ZDHHC19: variants seen among roughly 807,000 people sequenced by gnomAD.
ZDHHC19 encodes zDHHC palmitoyltransferase 19.
A neutral mutation model predicts 33.9 loss-of-function variants in ZDHHC19; 30 were observed. The ratio of observed to expected loss-of-function variants is 0.88; its 90% CI spans 0.66 to 1.20. The LOEUF is 1.20. Among genes scored for constraint, ZDHHC19 ranks in the 50% most tolerant of loss-of-function variants. The pLI is 0.00. For missense variants in ZDHHC19, 364 were observed against 401.1 expected (o/e 0.91, Z 0.79); for synonymous variants, 178 against 167.6 (o/e 1.06, Z -0.48).
rs538030779 is a variant in ZDHHC19, at chr3:196,202,921, C to T, written c.688-4047G>A. Among the ~76,000 whole-genome samples, 241 of 152,192 alleles carry T rather than the reference C, an allele frequency of 1.6e-3. 3 individuals carry two copies. Among genetic ancestry groups the T allele is most frequent in the African/African-American group, 5.7e-3 (235 of 41,526 alleles). On this transcript the variant is annotated intron_variant, in intron 5 of 7. Transcript: ENST00000296326. Reference sequence around the variant, plus strand: ...CTGGCGATGTTAAGGGAGGGTTTTGCTTTGCTTTTAAGATGAGAGAGACAG... The same window carrying T: ...CTGGCGATGTTAAGGGAGGGTTTTGTTTTGCTTTTAAGATGAGAGAGACAG...
In ZDHHC19 at chr3:196,203,871, G is replaced by C. The variant is rs1280072672; in HGVS notation, c.687+3527C>G. 6.6e-6 allele frequency among the ~76,000 whole-genome samples: 1 copy of C among 152,178 alleles called. No individual in the cohort carries two copies. The highest frequency in any genetic ancestry group is 1.5e-5 in the Non-Finnish European group (1 of 68,030). On this transcript the variant is annotated intron_variant, in intron 5 of 7. Transcript: ENST00000296326. This position sits in a 1 kb window ranked among gnomAD's most constrained non-coding sequence, Gnocchi z 4.3. The stretch of plus-strand genomic sequence containing the variant: ...GGTGGAGTGATTGAAGGGTGACTGG[G>C]ATGGGAGGTGGTGGGCAGAGAGGGC...
intron 5 of ZDHHC19, among the ~76,000 whole-genome samples, chr3:196,201,643 C>T (rs1160283356): frequency 1.3e-5 from 2 of 151,984 alleles, no homozygotes; most frequent in Admixed American, 6.6e-5. Context: ...ATCGCTTGAA[C>T]CTAGGAGGTG....
At chr3:196,210,253 A>AG (rs764748905) in intron 2 of ZDHHC19, among the ~76,000 whole-genome samples, 38 of 113,192 alleles carry the variant, frequency 3.4e-4, no homozygotes, top group Middle Eastern at 4.1e-3. Flanking sequence ...AAGAAAGAAA[A>AG]AGAAAGAAAG....
At position 196,207,507 on chromosome 3, in the gene ZDHHC19, C is replaced by T. The variant is rs372760698; in HGVS notation, c.582-4G>A. ...GGCGGACACGGCCACCACGATGCTG[C>T]GCGGGTTAAGGAACCGGGCTGCGGG... On this transcript the variant is annotated splice_region_variant and splice_polypyrimidine_tract_variant and intron_variant, in intron 4 of 7. Coordinates refer to ENST00000296326, the MANE Select transcript of ZDHHC19 (RefSeq NM_001039617.2). 2.6e-6 allele frequency: 4 copies of T among 1,552,480 alleles called. No individual in the cohort carries two copies. In the African/African-American group the frequency reaches 4.1e-5, roughly 16 times the overall value.
intron 6 of ZDHHC19, 28 bp from the exon 7 acceptor site, chr3:196,198,479 G>T (rs1721980293): frequency 1.3e-6 from 2 of 1,594,914 alleles, no homozygotes; most frequent in Non-Finnish European, 1.7e-6. Context: ...AGATGCAGGG[G>T]CCACCGTCCT....
At chr3:196,207,532 G>T in intron 4 of ZDHHC19, 29 bp from the exon 5 acceptor site, 2 of 1,517,028 alleles carry the variant, frequency 1.3e-6, no homozygotes, top group Non-Finnish European at 1.8e-6. Flanking sequence ...CGGGCTGCGG[G>T]ACCCCCACGC....
intron 5 of ZDHHC19, among the ~76,000 whole-genome samples, chr3:196,204,012 C>A (rs1048783236): frequency 2.0e-5 from 3 of 152,130 alleles, no homozygotes; most frequent in Admixed American, 6.6e-5. Context: ...CGGATGTCCA[C>A]CCTCACCACT....
chr3:196,205,364 C>T (rs1475489443), intron 5 of ZDHHC19, among the ~76,000 whole-genome samples: 5 of 152,034 alleles, frequency 3.3e-5, no homozygotes, highest in East Asian at 3.8e-4. Flanking sequence ...GAATGAATCT[C>T]GAATGTATTG....
Position 196,207,478 on chromosome 3 carries a change from C to A in ZDHHC19, c.607G>T (p.Gly203Cys), listed in dbSNP as rs749082215. 1.9e-6 allele frequency: 3 copies of A among 1,567,780 alleles called. No individual in the cohort carries two copies. In the South Asian group the frequency reaches 3.5e-5, roughly 18 times the overall value. ...IAIVVAVSAA[G>C]LLVPLSLLLL... ...AGGAGGGACAGCGGCACCAGGAGGC[C>A]CGCGGCGGACACGGCCACCACGATG... The change falls in exon 5 of 8, where the codon GGC becomes TGC. Residue 203 changes from glycine (G) to cysteine (C), a missense_variant. Physicochemically the swap from Gly to Cys is radical, Grantham distance 159. Transcript: ENST00000296326.
At chr3:196,208,266 C>G in intron 4 of ZDHHC19, 122 bp downstream of exon 4, 2 of 529,816 alleles carry the variant, frequency 3.8e-6, no homozygotes, top group Admixed American at 4.4e-5. Flanking sequence ...CACCTCACCT[C>G]GTCCCAGACT....
chr3:196,210,846 A>C, intron 1 of ZDHHC19, 109 bp from the exon 2 acceptor site: 1 of 1,460,500 alleles, frequency 6.8e-7, no homozygotes, highest in Non-Finnish European at 9.1e-7. Context: ...CCAGATCTAA[A>C]AATCCAGGCT....
At chr3:196,205,795 G>T (rs546651249) in intron 5 of ZDHHC19, among the ~76,000 whole-genome samples, 5 of 152,246 alleles carry the variant, frequency 3.3e-5, no homozygotes, top group Admixed American at 2.6e-4. Flanking sequence ...AAATAGCTGG[G>T]ATTACAGGCA....
chr3:196,209,553 T>C, intron 2 of ZDHHC19, 38 bp from the exon 3 acceptor site: 1 of 1,602,786 alleles, frequency 6.2e-7, no homozygotes. Flanking sequence ...CAGAAGGCCC[T>C]GCGGTCACCC....
chr3:196,204,273 A>G (rs1403700505), intron 5 of ZDHHC19, among the ~76,000 whole-genome samples: 2 of 152,258 alleles, frequency 1.3e-5, no homozygotes, highest in East Asian at 3.8e-4. Flanking sequence ...AATTTTAAAA[A>G]ACATGCTTAC....
rs547615199 is a variant in ZDHHC19, at chr3:196,200,440, C to T, written c.688-1566G>A. Among the ~76,000 whole-genome samples the T allele has an allele frequency of 8.7e-5, 13 of 148,574 alleles. No individual in the cohort carries two copies. In the South Asian group the frequency reaches 1.1e-3, roughly 12 times the overall value. ...CGCGATCTCAGCTCACTGCAAGCTCCGCCTCCCAGGTTCACGCCATTCTCC... is the reference window on the plus strand; with the variant it reads ...CGCGATCTCAGCTCACTGCAAGCTCTGCCTCCCAGGTTCACGCCATTCTCC... On this transcript the variant is annotated intron_variant, in intron 5 of 7. Coordinates refer to ENST00000296326, the MANE Select transcript of ZDHHC19 (RefSeq NM_001039617.2).
chr3:196,207,627 G>T (rs1577327729), intron 4 of ZDHHC19, 124 bp from the exon 5 acceptor site: 1 of 64,034 alleles, frequency 1.6e-5, no homozygotes, highest in Non-Finnish European at 2.3e-5. Flanking sequence ...TCCGCCCCGA[G>T]CCCCGCCCCG....
chr3:196,207,054 C>G (rs1260236229), intron 5 of ZDHHC19, among the ~76,000 whole-genome samples: 1 of 152,204 alleles, frequency 6.6e-6, no homozygotes, highest in Non-Finnish European at 1.5e-5. Context: ...CGCCACACAG[C>G]TCAGGACCGG....
intron 5 of ZDHHC19, among the ~76,000 whole-genome samples, chr3:196,200,554 C>T (rs894581453): frequency 2.7e-5 from 4 of 149,294 alleles, no homozygotes; most frequent in Admixed American, 6.6e-5. Context: ...CGGGGTTTCA[C>T]CGTGTTAGCC....
rs1299188871 is a variant in ZDHHC19 at position 196,209,398 on chromosome 3, G to A, written c.386C>T (p.Pro129Leu). The change falls in exon 3 of 8, where the codon CCC becomes CTC. Residue 129 changes from proline to leucine, a missense_variant. Coordinates refer to ENST00000296326, the MANE Select transcript of ZDHHC19 (RefSeq NM_001039617.2). ...FHRPPRTYHC[P>L]WCNICVEDFD... ...CACCTCCACACAGATGTTGCACCAG[G>A]GGCAGTGGTAAGTCCGGGGCGGGCG... 2 of 1,604,700 alleles carry A rather than the reference G, an allele frequency of 1.2e-6. No individual in the cohort carries two copies. The highest frequency in any genetic ancestry group is 1.7e-5 in the Admixed American group (1 of 58,382).
Sources: allele counts gnomAD v4.1 joint callset (sites outside exome capture counted in the v4.1 genomes callset), GRCh38; gene constraint gnomAD v4.1.1; non-coding constraint Gnocchi (gnomAD v3.1); transcripts MANE v1.5; gene names NCBI Gene and HGNC (gene_info 2026-07-23, HGNC 2026-07-21).